The following TMEM132B variants were observed in gnomAD, a reference collection of about 807,000 sequenced individuals.
TMEM132B encodes transmembrane protein 132B.
In TMEM132B, 18 loss-of-function variants were observed where a neutral mutation model predicts 90.8. The ratio of observed to expected loss-of-function variants is 0.20; its 90% CI spans 0.14 to 0.29. The LOEUF (loss-of-function observed/expected upper bound fraction) is 0.29, where lower values mean the gene tolerates loss of function less well. TMEM132B is among the 10% of genes least tolerant of loss of function. The pLI, the probability that TMEM132B is intolerant of heterozygous loss-of-function variation, is 1.00. For synonymous variants in TMEM132B, 504 were observed against 523.3 expected, an observed-to-expected ratio of 0.96 and a Z score of 0.50; for missense variants, 1,096 against 1,326.8, an observed-to-expected ratio of 0.83 and a Z score of 2.70.
chr12:125,201,227 C>T (rs530708624), intron 1 of TMEM132B, among the ~76,000 whole-genome samples: 4 of 152,172 alleles, frequency 2.6e-5, no homozygotes, highest in Non-Finnish European at 5.9e-5. Flanking sequence ...TTTGCACTGG[C>T]ATCATTTACA....
chr12:125,224,629 AG>A (rs1873635051), intron 1 of TMEM132B, among the ~76,000 whole-genome samples: 1 of 152,178 alleles, frequency 6.6e-6, no homozygotes, highest in South Asian at 2.1e-4. Context: ...AGCACTTCTG[AG>A]GGCAGCTGCT....
chr12:125,467,395 C>A (rs61945400), intron 3 of TMEM132B, among the ~76,000 whole-genome samples: 4,856 of 152,144 alleles, frequency 0.032, 111 homozygotes, highest in Non-Finnish European at 0.052. Flanking sequence ...CCTCTTTCTC[C>A]TCCTTTTTCT....
At chr12:125,601,807 A>G (rs1221843772) in intron 5 of TMEM132B, among the ~76,000 whole-genome samples, 1 of 152,208 alleles carries the variant, frequency 6.6e-6, no homozygotes, top group East Asian at 1.9e-4. Flanking sequence ...CAGAAATACA[A>G]ACTACCATCA....
intron 1 of TMEM132B, among the ~76,000 whole-genome samples, chr12:125,243,032 T>TATATATATATATATATACACAC (rs1215676534): frequency 3.0e-5 from 4 of 135,026 alleles, no homozygotes; most frequent in South Asian, 2.3e-4. Flanking sequence ...TATATATATA[T>TATATATATATATATATACACAC]ACACACACAC....
intron 1 of TMEM132B, among the ~76,000 whole-genome samples, chr12:125,298,084 C>T (rs1489406618): frequency 6.6e-6 from 1 of 152,108 alleles, no homozygotes; most frequent in African/African-American, 2.4e-5. Context: ...GAGGCCACCC[C>T]ATCTCTACAA....
intron 4 of TMEM132B, among the ~76,000 whole-genome samples, chr12:125,566,842 T>C (rs1884670618): frequency 2.9e-5 from 1 of 34,040 alleles, no homozygotes; most frequent in Non-Finnish European, 1.6e-4. Context: ...CTTCTTTTTT[T>C]TTTTTTTTTT....
At chr12:125,538,703 C>A (rs1279650439) in intron 4 of TMEM132B, among the ~76,000 whole-genome samples, 1 of 152,116 alleles carries the variant, frequency 6.6e-6, no homozygotes, top group Non-Finnish European at 1.5e-5. Flanking sequence ...TTTTGAAAAC[C>A]TGATTTGTAA....
chr12:125,373,243 C>A (rs1461728038), intron 2 of TMEM132B, among the ~76,000 whole-genome samples: 1 of 152,220 alleles, frequency 6.6e-6, no homozygotes, highest in African/African-American at 2.4e-5. Context: ...TCGGATACAG[C>A]CATTCACTCA....
intron 5 of TMEM132B, among the ~76,000 whole-genome samples, chr12:125,607,459 G>A (rs989601204): frequency 2.0e-5 from 3 of 152,236 alleles, no homozygotes; most frequent in Admixed American, 1.3e-4. Context: ...ACTGAAGCTC[G>A]GTTGCTGTGG....
chr12:125,502,776 G>A (rs12424543), intron 3 of TMEM132B, among the ~76,000 whole-genome samples: 1 of 152,178 alleles, frequency 6.6e-6, no homozygotes, highest in Admixed American at 6.5e-5. Flanking sequence ...CAGAGTAGAT[G>A]CTCAAAAATA....
intron 2 of TMEM132B, among the ~76,000 whole-genome samples, chr12:125,412,451 C>T (rs565131081): frequency 3.3e-5 from 5 of 152,270 alleles, no homozygotes; most frequent in African/African-American, 1.2e-4. Flanking sequence ...TAAAAGAAAT[C>T]CTCTGTTAAT....
intron 2 of TMEM132B, among the ~76,000 whole-genome samples, chr12:125,364,921 A>G (rs1297819079): frequency 6.6e-6 from 1 of 152,032 alleles, no homozygotes; most frequent in Admixed American, 6.5e-5. Context: ...TGTAGATAGC[A>G]TACACTTGTG....
chr12:125,654,453 C>A lies in TMEM132B; in HGVS notation c.2995C>A (p.His999Asn), dbSNP rs1566104093. ...LLNGSSQKTF[H>N]SQLLRPSDYV... ...GAATGGCAGTTCCCAGAAGACTTTT[C>A]ATAGTCAACTACTCAGACCCTCTGA... is the stretch of plus-strand genomic sequence containing the variant. Residue 999 changes from histidine (H) to asparagine (N), a missense_variant, in exon 9 of 9, where the codon CAT becomes AAT. By Grantham distance (68) the His-to-Asn change is moderately conservative. Transcript: ENST00000682704. The surrounding 1 kb of genome is among the most constrained non-coding windows in gnomAD (Gnocchi z 5.8). 1.9e-6 allele frequency: 3 copies of A among 1,613,678 alleles called. No individual in the cohort carries two copies. The South Asian group carries it at 3.3e-5, about 18-fold the overall frequency.
At chr12:125,231,689 G>A (rs1873827791) in intron 1 of TMEM132B, among the ~76,000 whole-genome samples, 1 of 151,754 alleles carries the variant, frequency 6.6e-6, no homozygotes. Flanking sequence ...GCTTGCTAAG[G>A]CATATTTTTT....
At position 125,247,425 on chromosome 12, in the gene TMEM132B, C is replaced by T. The variant is rs991103998; in HGVS notation, c.67+60559C>T. On this transcript the variant is annotated intron_variant, in intron 1 of 8. Transcript: ENST00000682704. ...AGATTCTGCCTATTCACAGATGATG[C>T]GACATGAACCCATCTTTGATGCCCC... Among the ~76,000 whole-genome samples the T allele has an allele frequency of 5.3e-5, 8 of 152,234 alleles. No individual in the cohort carries two copies. In the South Asian group the frequency reaches 1.5e-3, roughly 28 times the overall value.
At chr12:125,351,185 C>T (rs1435335407) in intron 2 of TMEM132B, among the ~76,000 whole-genome samples, 1 of 152,192 alleles carries the variant, frequency 6.6e-6, no homozygotes, top group African/African-American at 2.4e-5. Context: ...TGTAGTCTCT[C>T]TGGTGATGTC....
At chr12:125,316,408 T>C (rs1876275723) in intron 1 of TMEM132B, among the ~76,000 whole-genome samples, 1 of 152,222 alleles carries the variant, frequency 6.6e-6, no homozygotes, top group Non-Finnish European at 1.5e-5. Flanking sequence ...TCTTTCTCTA[T>C]GTCAGGCATT....
intron 1 of TMEM132B, among the ~76,000 whole-genome samples, chr12:125,214,853 C>T (rs369151854): frequency 8.5e-5 from 13 of 152,312 alleles, no homozygotes; most frequent in East Asian, 3.9e-4. Context: ...ATGAGAGACC[C>T]GGCTGGAAAT....
intron 5 of TMEM132B, among the ~76,000 whole-genome samples, chr12:125,588,990 T>G (rs1273365959): frequency 6.6e-6 from 1 of 152,192 alleles, no homozygotes; most frequent in East Asian, 1.9e-4. Flanking sequence ...TGTAATATAT[T>G]AATACATATT....
Sources: gnomAD v4.1 joint callset for allele counts (sites outside exome capture counted in the v4.1 genomes callset) on GRCh38, gnomAD v4.1.1 for gene constraint, Gnocchi (gnomAD v3.1) non-coding constraint, MANE v1.5 for transcripts, NCBI Gene and HGNC (gene_info 2026-07-23, HGNC 2026-07-21) for gene names.